Variants in TRIP12 observed in about 807,000 individuals in gnomAD.
TRIP12 encodes thyroid hormone receptor interactor 12.
A neutral mutation model predicts 244.2 loss-of-function variants in TRIP12; 25 were observed. That is an observed-to-expected ratio of 0.10 (90% CI 0.07 to 0.14). The LOEUF (loss-of-function observed/expected upper bound fraction) is 0.14, where lower values mean the gene tolerates loss of function less well. Among genes scored for constraint, TRIP12 ranks in the 10% least tolerant of loss-of-function variants. TRIP12 has a pLI of 1.00. For missense variants in TRIP12, 1,677 were observed against 2,486.4 expected, an observed-to-expected ratio of 0.67 and a Z score of 6.92; for synonymous variants, 905 against 873.1, an observed-to-expected ratio of 1.04 and a Z score of -0.64.
At chr2:229,783,449 G>A (rs1222567073) in intron 34 of TRIP12, among the ~76,000 whole-genome samples, 1 of 152,086 alleles carries the variant, frequency 6.6e-6, no homozygotes, top group Non-Finnish European at 1.5e-5. Flanking sequence ...GTTTATGAAG[G>A]TCACAGAAAA....
At chr2:229,913,920 G>A (rs2074847417) in intron 1 of TRIP12, among the ~76,000 whole-genome samples, 1 of 152,218 alleles carries the variant, frequency 6.6e-6, no homozygotes, top group Non-Finnish European at 1.5e-5. Flanking sequence ...AGAGTAAGGA[G>A]TAAAAATTTT....
At chr2:229,768,094 C>T (rs776606675) in intron 41 of TRIP12, among the ~76,000 whole-genome samples, 18 of 151,950 alleles carry the variant, frequency 1.2e-4, no homozygotes, top group Admixed American at 2.6e-4. Flanking sequence ...CCTATCTCTA[C>T]AAAAATACAA....
intron 8 of TRIP12, among the ~76,000 whole-genome samples, 159 bp from the exon 9 acceptor site, chr2:229,818,671 G>A (rs2049107883): frequency 6.6e-6 from 1 of 152,278 alleles, no homozygotes; most frequent in South Asian, 2.1e-4. Context: ...TACATTGAAG[G>A]AAGAATTAAA....
chr2:229,859,495 T>G lies in TRIP12; in HGVS notation c.304A>C (p.Thr102Pro). The G allele has an allele frequency of 6.2e-7, 1 of 1,614,162 alleles. No homozygotes were observed. The highest frequency in any genetic ancestry group is 8.5e-7 in the Non-Finnish European group (1 of 1,180,030). ...TTGTCTTTCTTAGGCACCTGCCCCGTTTTTTGTCTTTCTGAAGTATTGGCT... is the reference window on the plus strand; with the variant it reads ...TTGTCTTTCTTAGGCACCTGCCCCGGTTTTTGTCTTTCTGAAGTATTGGCT... ...DRANTSERQK[T>P]GQVPKKDNSR... Residue 102 changes from threonine (T) to proline (P), a missense_variant, in exon 4 of 42, where the codon ACG becomes CCG. Around this residue, in one of 11 missense-constraint regions of TRIP12, gnomAD observed 387 missense variants for 392.6 expected, o/e 0.99. Transcript: ENST00000675903.
chr2:229,865,207 G>A (rs1158694867), intron 2 of TRIP12, among the ~76,000 whole-genome samples: 1 of 151,428 alleles, frequency 6.6e-6, no homozygotes, highest in African/African-American at 2.4e-5. Context: ...AGCTACTCGG[G>A]AAGCTGGGGT....
At chr2:229,832,232 G>A (rs2053634670) in intron 6 of TRIP12, among the ~76,000 whole-genome samples, 1 of 152,160 alleles carries the variant, frequency 6.6e-6, no homozygotes, top group Non-Finnish European at 1.5e-5. Context: ...GCCAAATCCA[G>A]TCCACCACAT....
chr2:229,876,261 A>G (rs2154350692), intron 2 of TRIP12, among the ~76,000 whole-genome samples: 1 of 152,220 alleles, frequency 6.6e-6, no homozygotes, highest in Admixed American at 6.5e-5. Flanking sequence ...GTGTGACAAG[A>G]GCAAAACTCC....
At chr2:229,911,554 T>C (rs2074279018) in intron 1 of TRIP12, among the ~76,000 whole-genome samples, 3 of 152,166 alleles carry the variant, frequency 2.0e-5, no homozygotes, top group Admixed American at 2.0e-4. Context: ...TAGTTTAATA[T>C]ACAGTTTCAA....
intron 1 of TRIP12, among the ~76,000 whole-genome samples, chr2:229,904,620 A>T (rs1169282202): frequency 6.6e-6 from 1 of 152,138 alleles, no homozygotes; most frequent in Non-Finnish European, 1.5e-5. Context: ...AAAAATGTTT[A>T]TAGTGGTTAT....
At chr2:229,862,829 T>C (rs1291885245) in intron 2 of TRIP12, among the ~76,000 whole-genome samples, 1 of 152,208 alleles carries the variant, frequency 6.6e-6, no homozygotes, top group Non-Finnish European at 1.5e-5. Flanking sequence ...TACTAATACC[T>C]TCAATGAACT....
intron 6 of TRIP12, among the ~76,000 whole-genome samples, chr2:229,835,813 G>A (rs895084258): frequency 6.6e-6 from 1 of 152,148 alleles, no homozygotes; most frequent in Non-Finnish European, 1.5e-5. Context: ...GGGAAGGAGC[G>A]TACAGCACTG....
rs563601360 is a variant in TRIP12, at chr2:229,909,394, A to C, written c.-50+12486T>G. ...CACCCTGGCTCCACACACACAAAAA[A>C]AAAAAATTAAAATATTAGCTGGATG... is the stretch of plus-strand genomic sequence containing the variant. On this transcript the variant is annotated intron_variant, in intron 1 of 41. Transcript: ENST00000675903. Among the ~76,000 whole-genome samples, 89 of 151,950 alleles carry C rather than the reference A, an allele frequency of 5.9e-4. 1 individual carries two copies. The highest frequency in any genetic ancestry group is 2.0e-3 in the African/African-American group (84 of 41,428).
intron 29 of TRIP12, among the ~76,000 whole-genome samples, chr2:229,791,589 C>A (rs1253919721): frequency 6.6e-6 from 1 of 152,200 alleles, no homozygotes; most frequent in Non-Finnish European, 1.5e-5. Context: ...CTTATGGCAA[C>A]ATTTTTGTCT....
chr2:229,816,430 C>T (rs1178947014), intron 9 of TRIP12, among the ~76,000 whole-genome samples: 1 of 151,874 alleles, frequency 6.6e-6, no homozygotes, highest in African/African-American at 2.4e-5. Context: ...CTAAGTTCCC[C>T]AATTATTAAA....
intron 6 of TRIP12, among the ~76,000 whole-genome samples, chr2:229,834,458 A>C (rs1241509955): frequency 6.6e-6 from 1 of 152,180 alleles, no homozygotes; most frequent in Non-Finnish European, 1.5e-5. Flanking sequence ...GATTATGTCC[A>C]AATCTACGAA....
intron 4 of TRIP12, among the ~76,000 whole-genome samples, chr2:229,843,068 C>A (rs796634456): frequency 3.1e-5 from 4 of 129,580 alleles, no homozygotes; most frequent in Non-Finnish European, 6.8e-5. Flanking sequence ...CTCTCTCCCC[C>A]ACTCCTTCCC....
chr2:229,903,013 T>TTC (rs150208034), intron 1 of TRIP12, among the ~76,000 whole-genome samples: 12 of 123,040 alleles, frequency 9.8e-5, no homozygotes, highest in East Asian at 2.2e-4. Flanking sequence ...TCTTTTTCTT[T>TTC]TTTTCTTTTT....
chr2:229,864,583 T>C (rs891995926), intron 2 of TRIP12, among the ~76,000 whole-genome samples: 2 of 151,846 alleles, frequency 1.3e-5, no homozygotes, highest in African/African-American at 4.8e-5. Flanking sequence ...TTTTTTTTGG[T>C]GTAATGTCTT....
At chr2:229,806,610 C>T (rs1206722914) in intron 17 of TRIP12, among the ~76,000 whole-genome samples, 1 of 152,108 alleles carries the variant, frequency 6.6e-6, no homozygotes, top group Non-Finnish European at 1.5e-5. Context: ...AAAAAGAAGA[C>T]GACTTAGAGT....
Sources: gnomAD v4.1 joint callset for allele counts (sites outside exome capture counted in the v4.1 genomes callset) on GRCh38, gnomAD v4.1.1 for gene constraint, gnomAD v4.1.1 regional missense constraint, MANE v1.5 for transcripts, NCBI Gene and HGNC (gene_info 2026-07-23, HGNC 2026-07-21) for gene names.